Variants in TPD52 observed in about 807,000 individuals in gnomAD.
The protein encoded by TPD52 is tumor protein D52, also known as prostate and colon associated protein.
A neutral mutation model predicts 31.3 loss-of-function variants in TPD52; 17 were observed. The observed-to-expected ratio is 0.54, with a 90% CI of 0.37 to 0.82. The LOEUF is 0.82. TPD52 is among the 40% of genes least tolerant of loss of function. The pLI, the probability that TPD52 is intolerant of heterozygous loss-of-function variation, is 0.00. For synonymous variants in TPD52, 83 were observed against 89.6 expected (o/e 0.93, Z 0.42); for missense variants, 212 against 240.1 (o/e 0.88, Z 0.77).
At chr8:80,052,707 AATGC>A in intron 3 of TPD52, 1 of 1,284,732 alleles carries the variant, frequency 7.8e-7, no homozygotes, top group Non-Finnish European at 1.0e-6. Flanking sequence ...GCATTATGAT[AATGC>A]TATATCATAG....
chr8:80,056,752 C>A (rs1811928880), intron 2 of TPD52, among the ~76,000 whole-genome samples: 1 of 152,120 alleles, frequency 6.6e-6, no homozygotes, highest in South Asian at 2.1e-4. Context: ...TCAGACACAG[C>A]TGGTGAGAAT....
At chr8:80,057,795 C>A (rs946834057) in intron 2 of TPD52, among the ~76,000 whole-genome samples, 1 of 152,162 alleles carries the variant, frequency 6.6e-6, no homozygotes, top group Non-Finnish European at 1.5e-5. Context: ...CATGTACCCC[C>A]TGAATCTAAA....
At chr8:80,168,304 A>AT (rs1203270751) in intron 1 of TPD52, among the ~76,000 whole-genome samples, 5 of 152,222 alleles carry the variant, frequency 3.3e-5, no homozygotes, top group African/African-American at 4.8e-5. Flanking sequence ...GCAAGAACAG[A>AT]TTTTTTGATA....
intron 1 of TPD52, among the ~76,000 whole-genome samples, chr8:80,108,715 C>A (rs757630412): frequency 1.8e-4 from 23 of 129,482 alleles, no homozygotes; most frequent in Non-Finnish European, 1.7e-4. Flanking sequence ...ATCCCGAGAT[C>A]ATGCAGAACA....
chr8:80,155,788 C>A (rs1468791005), intron 1 of TPD52, among the ~76,000 whole-genome samples: 2 of 151,178 alleles, frequency 1.3e-5, no homozygotes, highest in Non-Finnish European at 2.9e-5. Context: ...GAGGCTGAGG[C>A]AGGAGAATCG....
intron 1 of TPD52, among the ~76,000 whole-genome samples, chr8:80,132,404 T>C (rs911744523): frequency 6.6e-6 from 1 of 152,084 alleles, no homozygotes; most frequent in Admixed American, 6.6e-5. Context: ...GACGTGGTTT[T>C]TCCATGTTGT....
At chr8:80,064,769 C>T in intron 1 of TPD52, 176 bp from the exon 2 acceptor site, 1 of 693,908 alleles carries the variant, frequency 1.4e-6, no homozygotes, top group Admixed American at 2.1e-5. Flanking sequence ...TCTGAGCTAA[C>T]CACCGGAAAC....
chr8:80,136,563 T>G (rs1809450012), intron 1 of TPD52, among the ~76,000 whole-genome samples: 1 of 138,536 alleles, frequency 7.2e-6, no homozygotes, highest in African/African-American at 2.6e-5. Context: ...AAAACAGTGC[T>G]CACCATTAGA....
chr8:80,144,017 C>T (rs1453997906), intron 1 of TPD52, among the ~76,000 whole-genome samples: 2 of 152,020 alleles, frequency 1.3e-5, no homozygotes, highest in Non-Finnish European at 2.9e-5. Flanking sequence ...TAAATTTTTT[C>T]CCCAAAGGAT....
intron 1 of TPD52, 53 bp downstream of exon 1, chr8:80,171,372 G>C: frequency 1.7e-6 from 1 of 588,126 alleles, no homozygotes; most frequent in Non-Finnish European, 2.1e-6. Context: ...CAAAGCCCGA[G>C]TCCAAGCCCG....
chr8:80,100,638 T>A (rs1806661747), intron 1 of TPD52, among the ~76,000 whole-genome samples: 2 of 152,166 alleles, frequency 1.3e-5, no homozygotes, highest in East Asian at 3.8e-4. Flanking sequence ...GGTTCTCATA[T>A]CTCACAATTA....
intron 1 of TPD52, among the ~76,000 whole-genome samples, chr8:80,166,664 G>A (rs1811737981): frequency 6.6e-6 from 1 of 151,916 alleles, no homozygotes; most frequent in African/African-American, 2.4e-5. Context: ...AGCACTTTGG[G>A]AGGCCAATGA....
chr8:80,160,686 A>T (rs1811284830), intron 1 of TPD52, among the ~76,000 whole-genome samples: 1 of 152,044 alleles, frequency 6.6e-6, no homozygotes, highest in South Asian at 2.1e-4. Context: ...TGTGTTTTTT[A>T]AAAACTACTA....
chr8:80,167,908 C>T (rs1811820685), intron 1 of TPD52, among the ~76,000 whole-genome samples: 1 of 152,170 alleles, frequency 6.6e-6, no homozygotes, highest in Non-Finnish European at 1.5e-5. Flanking sequence ...AAGGTTATGA[C>T]TAACATGAGA....
In TPD52 at chr8:80,035,856, G is replaced by A. The variant is rs1161470314; in HGVS notation, c.*2260C>T. On this transcript the variant is annotated 3_prime_UTR_variant, in exon 8 of 8. Transcript: ENST00000518937. ...TAGTGTCAAACACAAGAGGAACCAG[G>A]AACTGTTTCTGGCATTTCTACTAAT... 1 of 152,142 alleles carries A rather than the reference G, an allele frequency of 6.6e-6. No individual in the cohort carries two copies. Among genetic ancestry groups the A allele is most frequent in the Non-Finnish European group, 1.5e-5 (1 of 68,024 alleles). 9.4% of individuals were successfully genotyped at this position (152,142 alleles called of 1,614,324 possible). A position where few individuals can be genotyped will look rare whatever the true frequency, so the allele number is the denominator to read the frequency against.
intron 1 of TPD52, among the ~76,000 whole-genome samples, chr8:80,127,384 T>C (rs1808693267): frequency 6.6e-6 from 1 of 152,218 alleles, no homozygotes; most frequent in South Asian, 2.1e-4. Context: ...AATCATTGTA[T>C]AAATGCATGA....
At chr8:80,032,152 C>CAAA (rs150988844), downstream of TPD52, among the ~76,000 whole-genome samples, 6 of 56,504 alleles carry the variant, frequency 1.1e-4, no homozygotes, top group Non-Finnish European at 2.0e-4. Flanking sequence ...GACTCCAGCT[C>CAAA]AAAAAAAAAA....
Position 80,152,855 on chromosome 8 carries a change from C to A in TPD52, c.19+18570G>T, listed in dbSNP as rs552942475. Among the ~76,000 whole-genome samples the A allele has an allele frequency of 2.0e-5, 3 of 150,780 alleles. No homozygotes were observed. The East Asian group carries it at 5.9e-4, about 29-fold the overall frequency. ...CGAATTGAGGAAACTGATAGGCCTG[C>A]CAAAGACAGCCTATGTGGCAAGTAA... is the stretch of plus-strand genomic sequence containing the variant. On this transcript the variant is annotated intron_variant, in intron 1 of 7. Coordinates refer to ENST00000518937, the MANE Select transcript of TPD52 (RefSeq NM_001025253.3).
Position 80,139,734 on chromosome 8 carries a change from G to A in TPD52, c.19+31691C>T, listed in dbSNP as rs149533601. Among the ~76,000 whole-genome samples, 59 of 152,310 alleles carry A rather than the reference G, an allele frequency of 3.9e-4. No homozygotes were observed. In the East Asian group the frequency reaches 0.011, roughly 28 times the overall value. ...TACTGCATTATACACTTAAAAATTT[G>A]TTAAGAGGTTAGATCTCATGTTAAG... On this transcript the variant is annotated intron_variant, in intron 1 of 7. Coordinates refer to ENST00000518937, the MANE Select transcript of TPD52 (RefSeq NM_001025253.3).
Sources: allele counts gnomAD v4.1 joint callset (sites outside exome capture counted in the v4.1 genomes callset), GRCh38; gene constraint gnomAD v4.1.1; transcripts MANE v1.5; gene names NCBI Gene and HGNC (gene_info 2026-07-23, HGNC 2026-07-21).